RSRC1: variants seen among roughly 807,000 people sequenced by gnomAD.
The protein encoded by RSRC1 is serine/Arginine-related protein 53.
In RSRC1, 39 loss-of-function variants were observed where a neutral mutation model predicts 49.1. That is an observed-to-expected ratio of 0.79 (90% CI 0.61 to 1.04). The LOEUF is 1.04. Among genes scored for constraint, RSRC1 ranks in the 50% least tolerant of loss-of-function variants. RSRC1 has a pLI of 0.00. For synonymous variants in RSRC1, 143 were observed against 130.8 expected, an observed-to-expected ratio of 1.09 and a Z score of -0.63; for missense variants, 388 against 402.4, an observed-to-expected ratio of 0.96 and a Z score of 0.31.
chr3:158,529,150 A>AAT (rs1303772134), intron 7 of RSRC1, among the ~76,000 whole-genome samples: 21 of 150,586 alleles, frequency 1.4e-4, no homozygotes, highest in Non-Finnish European at 2.2e-4. Context: ...AGTTCAAGAT[A>AAT]ATGCCAGAAG....
intron 7 of RSRC1, chr3:158,469,756 A>G (rs1328650598): frequency 6.6e-6 from 1 of 152,186 alleles, no homozygotes; most frequent in East Asian, 1.9e-4. Flanking sequence ...CTGTTGATAT[A>G]AAATGATGAT....
intron 5 of RSRC1, among the ~76,000 whole-genome samples, chr3:158,318,166 C>A (rs1354026393): frequency 1.3e-5 from 2 of 152,092 alleles, no homozygotes; most frequent in East Asian, 1.9e-4. Context: ...AAATTGACAA[C>A]CCCTGCCCTG....
chr3:158,177,645 G>A (rs1226269497), intron 3 of RSRC1, among the ~76,000 whole-genome samples: 1 of 151,882 alleles, frequency 6.6e-6, no homozygotes, highest in Admixed American at 6.6e-5. Context: ...GCCTGTCAGA[G>A]TGTGGGGGGC....
chr3:158,261,674 C>T (rs1724902175), intron 4 of RSRC1, among the ~76,000 whole-genome samples: 1 of 152,142 alleles, frequency 6.6e-6, no homozygotes, highest in African/African-American at 2.4e-5. Flanking sequence ...AGATCAGCAG[C>T]AGTATTAGAT....
intron 5 of RSRC1, among the ~76,000 whole-genome samples, chr3:158,351,993 G>A (rs928456100): frequency 3.3e-5 from 5 of 150,050 alleles, no homozygotes; most frequent in Non-Finnish European, 7.4e-5. Context: ...TTCCTAGCTG[G>A]GCATAGTGGC....
chr3:158,501,410 T>C (rs1739585856), intron 7 of RSRC1, among the ~76,000 whole-genome samples: 1 of 152,224 alleles, frequency 6.6e-6, no homozygotes, highest in African/African-American at 2.4e-5. Flanking sequence ...TCCAGTTTCT[T>C]TGTTGACTTT....
rs372306685 is a variant in RSRC1 at position 158,123,928 on chromosome 3, G to A, written c.257G>A (p.Arg86His). 15 of 1,612,840 alleles carry A rather than the reference G, an allele frequency of 9.3e-6. No homozygotes were observed. Among genetic ancestry groups the A allele is most frequent in the East Asian group, 4.5e-5 (2 of 44,852 alleles). ...TCCAGAAGGAAACGAAGTCGAAGTC[G>A]TTCAAGGGGTCGAGGGAAATCCTAT... ...YGSRRKRSRSRSRGRGKSYRV... is the reference protein window; with the variant it reads ...YGSRRKRSRSHSRGRGKSYRV... The change falls in exon 3 of 10, where the codon CGT becomes CAT. Residue 86 changes from arginine (R) to histidine (H), a missense_variant. Physicochemically the swap from Arg to His is conservative, Grantham distance 29. Coordinates refer to ENST00000611884, the MANE Select transcript of RSRC1 (RefSeq NM_001271838.2).
At chr3:158,494,959 T>G (rs1476298102) in intron 7 of RSRC1, among the ~76,000 whole-genome samples, 1 of 152,216 alleles carries the variant, frequency 6.6e-6, no homozygotes, top group Non-Finnish European at 1.5e-5. Context: ...CATAAACCAG[T>G]AACATAGTCA....
chr3:158,356,199 A>G (rs1164161665), intron 6 of RSRC1, among the ~76,000 whole-genome samples: 1 of 152,038 alleles, frequency 6.6e-6, no homozygotes, highest in African/African-American at 2.4e-5. Context: ...TTTTTACTAT[A>G]AAGAGCTCAT....
At chr3:158,354,041 A>G (rs1257900991) in intron 5 of RSRC1, among the ~76,000 whole-genome samples, 1 of 113,860 alleles carries the variant, frequency 8.8e-6, no homozygotes, top group African/African-American at 3.5e-5. Flanking sequence ...CTCTATTGCC[A>G]GGCTGGATAC....
At chr3:158,209,398 C>A (rs770982847) in intron 4 of RSRC1, among the ~76,000 whole-genome samples, 6 of 152,052 alleles carry the variant, frequency 3.9e-5, no homozygotes, top group Non-Finnish European at 4.4e-5. Context: ...TCTTGGACTT[C>A]CCAGCATCCA....
chr3:158,213,878 AG>A (rs1003838989), intron 4 of RSRC1, among the ~76,000 whole-genome samples: 10 of 151,882 alleles, frequency 6.6e-5, no homozygotes, highest in African/African-American at 2.4e-4. Flanking sequence ...AAATTGTAAA[AG>A]GCAGTAGTAG....
chr3:158,315,983 C>T (rs910933085), intron 5 of RSRC1, among the ~76,000 whole-genome samples: 1 of 151,784 alleles, frequency 6.6e-6, no homozygotes, highest in Non-Finnish European at 1.5e-5. Context: ...ACCAGCCTGG[C>T]CAACATGGTG....
chr3:158,355,905 A>G (rs1310730980), intron 6 of RSRC1, among the ~76,000 whole-genome samples: 1 of 151,842 alleles, frequency 6.6e-6, no homozygotes, highest in Non-Finnish European at 1.5e-5. Context: ...CTGTATCTAG[A>G]TACACACACA....
chr3:158,535,837 T>C (rs1712683383), intron 7 of RSRC1, among the ~76,000 whole-genome samples: 1 of 151,452 alleles, frequency 6.6e-6, no homozygotes. Flanking sequence ...TGGACCAAAA[T>C]TGATAAATAA....
intron 5 of RSRC1, chr3:158,303,538 A>T (rs1006099182): frequency 6.6e-6 from 1 of 152,204 alleles, no homozygotes; most frequent in Non-Finnish European, 1.5e-5. Context: ...CTGGGGCACG[A>T]TTTGAAATTA....
chr3:158,253,325 G>A (rs888796970), intron 4 of RSRC1, among the ~76,000 whole-genome samples: 1 of 151,566 alleles, frequency 6.6e-6, no homozygotes, highest in African/African-American at 2.4e-5. Flanking sequence ...TTTCTTCATC[G>A]AGCCACTCAT....
At chr3:158,520,829 G>T (rs1244172250) in intron 7 of RSRC1, among the ~76,000 whole-genome samples, 1 of 152,170 alleles carries the variant, frequency 6.6e-6, no homozygotes, top group Non-Finnish European at 1.5e-5. Flanking sequence ...GCATGTCTAT[G>T]TATGTGGGTA....
chr3:158,194,647 T>TCCCCCCCCCCCCC (rs199693726), intron 3 of RSRC1, among the ~76,000 whole-genome samples: 8 of 80,484 alleles, frequency 9.9e-5, no homozygotes, highest in Admixed American at 1.5e-4. Flanking sequence ...TCCCTCCCCC[T>TCCCCCCCCCCCCC]CCCCCCACCC....
Sources: allele counts gnomAD v4.1 joint callset (sites outside exome capture counted in the v4.1 genomes callset), GRCh38; gene constraint gnomAD v4.1.1; transcripts MANE v1.5; gene names NCBI Gene and HGNC (gene_info 2026-07-23, HGNC 2026-07-21).